Variants in MYRIP observed in about 807,000 individuals in gnomAD.
The protein encoded by MYRIP is myosin VIIA and Rab interacting protein.
Under a neutral mutation model 98.0 loss-of-function variants are expected in MYRIP, and 49 were observed. The observed-to-expected ratio is 0.50, with a 90% CI of 0.40 to 0.63. The LOEUF is 0.63. Among genes scored for constraint, MYRIP ranks in the 30% least tolerant of loss-of-function variants. The pLI, the probability that MYRIP is intolerant of heterozygous loss-of-function variation, is 0.00. For synonymous variants in MYRIP, 404 were observed against 409.5 expected, an observed-to-expected ratio of 0.99 and a Z score of 0.16; for missense variants, 1,004 against 1,058.2, an observed-to-expected ratio of 0.95 and a Z score of 0.71.
At position 39,886,369 on chromosome 3, in the gene MYRIP, C is replaced by T. The variant is rs543642497; in HGVS notation, c.-30-14418C>T. 4.5e-4 allele frequency among the ~76,000 whole-genome samples: 68 copies of T among 150,744 alleles called. 1 individual carries two copies. Among genetic ancestry groups the T allele is most frequent in the African/African-American group, 1.6e-3 (67 of 40,992 alleles). ...ACTTTAAATGTAAATGGACTAAATG[C>T]TCCAATTAAAAGACACAGACTGGCA... On this transcript the variant is annotated intron_variant, in intron 1 of 16. Transcript: ENST00000302541.
intron 1 of MYRIP, among the ~76,000 whole-genome samples, chr3:39,898,119 G>A (rs1269241925): frequency 6.6e-6 from 1 of 152,084 alleles, no homozygotes; most frequent in African/African-American, 2.4e-5. Flanking sequence ...CCTTGCCTTT[G>A]CAGTCTGTGG....
At chr3:40,102,838 C>T (rs1313058138) in intron 3 of MYRIP, among the ~76,000 whole-genome samples, 1 of 151,950 alleles carries the variant, frequency 6.6e-6, no homozygotes, top group Admixed American at 6.6e-5. Flanking sequence ...CTCTCACAAT[C>T]TAAGAGACAG....
chr3:39,824,344 T>C (rs1215540144), intron 1 of MYRIP, among the ~76,000 whole-genome samples: 3 of 152,208 alleles, frequency 2.0e-5, no homozygotes, highest in Non-Finnish European at 4.4e-5. Context: ...GGGTCTTTTG[T>C]GGTTCCATAC....
At chr3:39,974,163 TAAAG>T (rs148513247) in intron 2 of MYRIP, among the ~76,000 whole-genome samples, 39,211 of 151,488 alleles carry the variant, frequency 0.26, 5,993 homozygotes, top group Non-Finnish European at 0.35. Context: ...GCAAGACTAA[TAAAG>T]AAGATAAAAG....
At chr3:39,974,263 C>G (rs1234065692) in intron 2 of MYRIP, among the ~76,000 whole-genome samples, 2 of 152,040 alleles carry the variant, frequency 1.3e-5, no homozygotes, top group South Asian at 4.1e-4. Flanking sequence ...TCAGAGAATA[C>G]TATAAACACC....
At chr3:40,202,502 G>C (rs1181272194) in intron 10 of MYRIP, among the ~76,000 whole-genome samples, 5 of 152,142 alleles carry the variant, frequency 3.3e-5, no homozygotes, top group Non-Finnish European at 7.4e-5. Flanking sequence ...TCTCCAGAAA[G>C]AATTCTAGAA....
At chr3:39,976,358 C>G (rs1469003948) in intron 2 of MYRIP, among the ~76,000 whole-genome samples, 3 of 152,184 alleles carry the variant, frequency 2.0e-5, no homozygotes, top group Non-Finnish European at 4.4e-5. Flanking sequence ...CCATCTCACA[C>G]CAGTTAGAAT....
chr3:39,852,292 T>C (rs1360317739), intron 1 of MYRIP, among the ~76,000 whole-genome samples: 1 of 152,152 alleles, frequency 6.6e-6, no homozygotes, highest in Non-Finnish European at 1.5e-5. Flanking sequence ...AACAACTTGA[T>C]GGGCTGCAGA....
intron 3 of MYRIP, among the ~76,000 whole-genome samples, chr3:40,064,031 G>C (rs747724439): frequency 2.0e-5 from 3 of 152,148 alleles, no homozygotes; most frequent in Non-Finnish European, 4.4e-5. Flanking sequence ...TAAAGAGCAA[G>C]AAGGGGCAGA....
chr3:39,810,563 A>AG (rs1266945798), intron 1 of MYRIP: 3 of 152,274 alleles, frequency 2.0e-5, no homozygotes, highest in African/African-American at 7.2e-5. Context: ...AGCCAATCCC[A>AG]GGGGGCTCTA....
intron 12 of MYRIP, among the ~76,000 whole-genome samples, chr3:40,237,599 G>C (rs1472951422): frequency 6.6e-6 from 1 of 152,164 alleles, no homozygotes; most frequent in African/African-American, 2.4e-5. Flanking sequence ...GAAGCACTTA[G>C]TGAATGTTCA....
chr3:39,910,178 C>T (rs1276835954), intron 2 of MYRIP, among the ~76,000 whole-genome samples: 1 of 152,152 alleles, frequency 6.6e-6, no homozygotes, highest in Non-Finnish European at 1.5e-5. Flanking sequence ...CCTGAGCCAC[C>T]ATGCCCGGCC....
At chr3:39,910,896 A>G (rs1346438589) in intron 2 of MYRIP, among the ~76,000 whole-genome samples, 1 of 152,162 alleles carries the variant, frequency 6.6e-6, no homozygotes, top group African/African-American at 2.4e-5. Flanking sequence ...GTTTTTAGGT[A>G]TCTGTAAGAG....
At chr3:40,093,029 G>A (rs917718232) in intron 3 of MYRIP, among the ~76,000 whole-genome samples, 10 of 152,076 alleles carry the variant, frequency 6.6e-5, no homozygotes, top group African/African-American at 2.4e-4. Context: ...TGGCCCTGTT[G>A]TGCTGAACCC....
intron 3 of MYRIP, among the ~76,000 whole-genome samples, chr3:40,121,268 G>A (rs1458417713): frequency 6.6e-6 from 1 of 152,154 alleles, no homozygotes; most frequent in East Asian, 1.9e-4. Context: ...GTTCAGAAAC[G>A]TATTCTCATA....
chr3:40,060,596 TGAGAGAGA>T (rs35495297), intron 3 of MYRIP, among the ~76,000 whole-genome samples: 12 of 138,794 alleles, frequency 8.6e-5, no homozygotes, highest in African/African-American at 2.4e-4. Flanking sequence ...TTTCTTTTTT[TGAGAGAGA>T]GAGAGAGAGA....
intron 2 of MYRIP, among the ~76,000 whole-genome samples, chr3:40,042,309 AGAG>A (rs1271500008): frequency 2.1e-5 from 3 of 143,360 alleles, no homozygotes; most frequent in Non-Finnish European, 4.6e-5. Flanking sequence ...AAAAAAAAAA[AGAG>A]AGCCAACCTT....
intron 1 of MYRIP, among the ~76,000 whole-genome samples, chr3:39,845,160 A>G (rs568761731): frequency 6.6e-6 from 1 of 152,308 alleles, no homozygotes; most frequent in East Asian, 1.9e-4. Flanking sequence ...TCCATTAGAG[A>G]AATAGTAGAC....
At chr3:40,161,849 C>G (rs1950402229) in intron 4 of MYRIP, among the ~76,000 whole-genome samples, 1 of 152,130 alleles carries the variant, frequency 6.6e-6, no homozygotes. Context: ...CAGATCTTAC[C>G]AGGTCATCTC....
Sources: gnomAD v4.1 joint callset for allele counts (sites outside exome capture counted in the v4.1 genomes callset) on GRCh38, gnomAD v4.1.1 for gene constraint, MANE v1.5 for transcripts, NCBI Gene and HGNC (gene_info 2026-07-23, HGNC 2026-07-21) for gene names.